LINGO2: variants seen among roughly 807,000 people sequenced by gnomAD.
LINGO2 encodes leucine rich repeat and Ig domain containing 2, also known as leucine-rich repeat and immunoglobulin-like domain-containing nogo receptor-interacting protein 2.
In LINGO2, 14 loss-of-function variants were observed where a neutral mutation model predicts 30.6. The ratio of observed to expected loss-of-function variants is 0.46; its 90% CI spans 0.30 to 0.72. LINGO2 has a LOEUF of 0.72. Ranked by LOEUF, LINGO2 falls within the 30% of genes least tolerant of loss-of-function variation. The pLI is 0.07. For missense variants in LINGO2, 729 were observed against 751.7 expected, an observed-to-expected ratio of 0.97 and a Z score of 0.35; for synonymous variants, 317 against 288.5, an observed-to-expected ratio of 1.10 and a Z score of -1.00.
the LINGO2 span, among the ~76,000 whole-genome samples, chr9:28,842,436 G>A: frequency 6.6e-6 from 1 of 151,838 alleles, no homozygotes; most frequent in Non-Finnish European, 1.5e-5. Flanking sequence ...TATTAAGGAT[G>A]AAAAAGACAT....
the LINGO2 span, among the ~76,000 whole-genome samples, chr9:29,126,045 T>A: frequency 1.3e-5 from 2 of 152,128 alleles, no homozygotes; most frequent in South Asian, 4.1e-4. Flanking sequence ...TTAAATGAAA[T>A]TATTTGAGGT....
chr9:29,033,202 C>A, the LINGO2 span, among the ~76,000 whole-genome samples: 9 of 151,962 alleles, frequency 5.9e-5, no homozygotes, highest in South Asian at 1.9e-3. Context: ...TTTATTCTGC[C>A]ATGATGCACT....
intron 4 of LINGO2, among the ~76,000 whole-genome samples, chr9:28,167,146 C>A (rs879619469): frequency 2.1e-5 from 3 of 141,198 alleles, no homozygotes; most frequent in African/African-American, 7.7e-5. Context: ...AGCACCCCCC[C>A]CCCCCACTTT....
chr9:28,755,479 A>G, the LINGO2 span, among the ~76,000 whole-genome samples: 1 of 152,142 alleles, frequency 6.6e-6, no homozygotes, highest in Non-Finnish European at 1.5e-5. Flanking sequence ...AATGACCTCT[A>G]ATATCAAGTT....
the LINGO2 span, among the ~76,000 whole-genome samples, chr9:28,792,033 G>GAT: frequency 6.0e-5 from 9 of 150,214 alleles, no homozygotes; most frequent in South Asian, 1.3e-3. Flanking sequence ...TTAAAATATA[G>GAT]ATATATATAT....
At position 28,664,934 on chromosome 9, in the gene LINGO2, C is replaced by A. The variant is rs1828733660; in HGVS notation, c.-365+5266G>T. On this transcript the variant is annotated intron_variant, in intron 1 of 5. Transcript: ENST00000379992. ...TAACGGACTCCACACCAAAACTACC[C>A]ATCTAGAACATAAGGTCTATGACAA... is the stretch of plus-strand genomic sequence containing the variant. Among the ~76,000 whole-genome samples the A allele has an allele frequency of 2.0e-5, 3 of 146,910 alleles. No homozygotes were observed. The South Asian group carries it at 6.7e-4, about 33-fold the overall frequency.
chr9:28,496,808 T>C (rs1819649483), intron 1 of LINGO2, among the ~76,000 whole-genome samples: 1 of 152,176 alleles, frequency 6.6e-6, no homozygotes, highest in Non-Finnish European at 1.5e-5. Context: ...AGTTGTTCCT[T>C]TCCATGTTTA....
At chr9:28,298,580 G>C (rs931999937) in intron 3 of LINGO2, among the ~76,000 whole-genome samples, 1 of 151,586 alleles carries the variant, frequency 6.6e-6, no homozygotes, top group African/African-American at 2.4e-5. Flanking sequence ...CTACTCGGGA[G>C]GCTGAGGCAG....
intron 1 of LINGO2, among the ~76,000 whole-genome samples, chr9:28,562,138 C>G (rs915696669): frequency 1.3e-5 from 2 of 151,878 alleles, no homozygotes; most frequent in Middle Eastern, 3.2e-3. Context: ...GTTACAGTTA[C>G]TAAAAATGCT....
At chr9:28,700,298 C>T in the LINGO2 span, among the ~76,000 whole-genome samples, 8 of 152,064 alleles carry the variant, frequency 5.3e-5, no homozygotes, top group East Asian at 1.2e-3. Context: ...TTCATTCATC[C>T]AAATTTCTTC....
At chr9:28,789,807 T>C in the LINGO2 span, among the ~76,000 whole-genome samples, 1 of 152,190 alleles carries the variant, frequency 6.6e-6, no homozygotes, top group Non-Finnish European at 1.5e-5. Context: ...CCATGGACCA[T>C]GGCATATGTA....
the LINGO2 span, among the ~76,000 whole-genome samples, chr9:28,883,747 A>C: frequency 6.9e-6 from 1 of 145,438 alleles, no homozygotes; most frequent in African/African-American, 2.5e-5. Context: ...GCATGATCTG[A>C]GCTCACTGCA....
chr9:28,953,470 T>C, the LINGO2 span, among the ~76,000 whole-genome samples: 7 of 152,080 alleles, frequency 4.6e-5, no homozygotes, highest in Admixed American at 1.3e-4. Flanking sequence ...AATTTAAAAA[T>C]AAAAATAAAC....
chr9:28,509,060 TCTCCCAAC>T (rs1354020740), intron 1 of LINGO2, among the ~76,000 whole-genome samples: 1 of 152,156 alleles, frequency 6.6e-6, no homozygotes, highest in Non-Finnish European at 1.5e-5. Flanking sequence ...TACTTATACT[TCTCCCAAC>T]CTGGAATTCA....
At chr9:28,992,462 C>G in the LINGO2 span, among the ~76,000 whole-genome samples, 67 of 150,376 alleles carry the variant, frequency 4.5e-4, 3 homozygotes, top group Admixed American at 4.6e-4. Flanking sequence ...ATCAATGAGA[C>G]AAAGTTAACA....
At chr9:28,790,597 A>G in the LINGO2 span, among the ~76,000 whole-genome samples, 29,589 of 150,946 alleles carry the variant, frequency 0.2, 3,139 homozygotes, top group East Asian at 0.32. Flanking sequence ...GGCTCCCAAA[A>G]TGCTGGGATT....
chr9:28,617,507 G>A (rs1826189574), intron 1 of LINGO2, among the ~76,000 whole-genome samples: 2 of 151,990 alleles, frequency 1.3e-5, no homozygotes, highest in African/African-American at 2.4e-5. Flanking sequence ...GTGTTAGTCA[G>A]GATGGTCTCG....
intron 4 of LINGO2, among the ~76,000 whole-genome samples, chr9:28,164,779 T>C (rs921533745): frequency 2.6e-5 from 4 of 152,188 alleles, no homozygotes; most frequent in African/African-American, 9.7e-5. Flanking sequence ...GTCTTCCCGG[T>C]TGGTTCCAGC....
At chr9:28,483,028 A>G (rs911169581) in intron 1 of LINGO2, among the ~76,000 whole-genome samples, 2 of 152,116 alleles carry the variant, frequency 1.3e-5, no homozygotes, top group African/African-American at 4.8e-5. Flanking sequence ...TTGCAGGCAC[A>G]TTGTAAAGAA....
Sources: allele counts gnomAD v4.1 joint callset (sites outside exome capture counted in the v4.1 genomes callset), GRCh38; gene constraint gnomAD v4.1.1; transcripts MANE v1.5; gene names NCBI Gene and HGNC (gene_info 2026-07-23, HGNC 2026-07-21).